The following RFXAP variants were observed in gnomAD, a reference collection of about 807,000 sequenced individuals.
RFXAP encodes the protein regulatory factor X-associated protein.
In RFXAP, 21 loss-of-function variants were observed where a neutral mutation model predicts 25.7. That is an observed-to-expected ratio of 0.82 (90% CI 0.58 to 1.18). The LOEUF (loss-of-function observed/expected upper bound fraction) is 1.18. Among genes scored for constraint, RFXAP ranks in the 50% most tolerant of loss-of-function variants. The probability of loss-of-function intolerance (pLI) is 0.00; values close to 1 mark genes in which losing one functional copy is unlikely to be tolerated. For missense variants in RFXAP, 333 were observed against 363.0 expected (o/e 0.92, Z 0.67); for synonymous variants, 161 against 152.2 (o/e 1.06, Z -0.43).
At chr13:36,826,802 T>A (rs969504745) in intron 2 of RFXAP, among the ~76,000 whole-genome samples, 3 of 152,206 alleles carry the variant, frequency 2.0e-5, no homozygotes, top group African/African-American at 7.2e-5. Flanking sequence ...CTTTATTCAG[T>A]TTATCTTTTT....
Position 36,819,655 on chromosome 13 carries a change from G to T in RFXAP, c.298G>T (p.Gly100Trp), listed in dbSNP as rs774581579. The T allele has an allele frequency of 1.7e-5, 27 of 1,548,928 alleles. No individual in the cohort carries two copies. Among genetic ancestry groups the T allele is most frequent in the African/African-American group, 4.1e-5 (3 of 73,024 alleles). The change falls in exon 1 of 3, where the codon GGG (glycine) becomes TGG (tryptophan). Residue 100 changes from glycine (G) to tryptophan (W), a missense_variant. Transcript: ENST00000255476. ...CCTGTTAGACACTTCGGACCCTCCG[G>T]GGGGAGGCGAGAGCGCGGCTAGTTT... The part of the protein sequence containing the change: ...ADLLDTSDPP[G>W]GGESAASLED...
At chr13:36,820,919 TAA>T (rs2138213954) in intron 1 of RFXAP, among the ~76,000 whole-genome samples, 1 of 152,338 alleles carries the variant, frequency 6.6e-6, no homozygotes, top group East Asian at 1.9e-4. Context: ...AGCAACTGGC[TAA>T]AGTTTGCAAA....
intron 1 of RFXAP, among the ~76,000 whole-genome samples, chr13:36,823,653 A>G (rs1258877556): frequency 6.6e-6 from 1 of 152,224 alleles, no homozygotes; most frequent in Non-Finnish European, 1.5e-5. Flanking sequence ...TGAAGAATTT[A>G]TTAAGGTAAA....
rs76415381 is a variant in RFXAP at position 36,821,317 on chromosome 13, A to G, written c.600+1360A>G. 4.6e-3 allele frequency among the ~76,000 whole-genome samples: 698 copies of G among 151,956 alleles called. 6 individuals are homozygous for G. The highest frequency in any genetic ancestry group is 0.016 in the African/African-American group (669 of 41,416). On this transcript the variant is annotated intron_variant, in intron 1 of 2. Transcript: ENST00000255476. ...TTTAAATTTCTTAGTTTCAGGCTGA[A>G]CTTGAAGTGCTCCATCACTAAAATA...
chr13:36,827,124 C>T (rs1006559846), intron 2 of RFXAP, among the ~76,000 whole-genome samples: 9 of 151,672 alleles, frequency 5.9e-5, no homozygotes, highest in Non-Finnish European at 1.2e-4. Flanking sequence ...TGGTATATAC[C>T]GATATATATG....
intron 1 of RFXAP, among the ~76,000 whole-genome samples, chr13:36,822,086 T>C (rs2057964636): frequency 6.6e-6 from 1 of 151,702 alleles, no homozygotes; most frequent in South Asian, 2.1e-4. Context: ...ATAATACTTT[T>C]TTTCTTTCTT....
chr13:36,822,355 A>G (rs2057965572), intron 1 of RFXAP, among the ~76,000 whole-genome samples: 1 of 152,034 alleles, frequency 6.6e-6, no homozygotes, highest in Admixed American at 6.5e-5. Context: ...TGCTGGGATT[A>G]CGGGTGAGAC....
chr13:36,819,960 A>T lies in RFXAP; in HGVS notation c.600+3A>T, dbSNP rs372895488. The T allele has an allele frequency of 6.9e-5, 112 of 1,613,686 alleles. No homozygotes were observed. The highest frequency in any genetic ancestry group is 9.4e-5 in the Non-Finnish European group (111 of 1,179,870). The stretch of plus-strand genomic sequence containing the variant: ...GCGCGGGAAACGTCAAACTCGAGGT[A>T]TCAGACTTAGCTGAGGCCTGGGGAT... On this transcript the variant is annotated splice_donor_region_variant and intron_variant, in intron 1 of 2. Transcript: ENST00000255476.
rs2057985369 is a variant in RFXAP at position 36,828,433 on chromosome 13, T to C, written c.*680T>C. ...TGTGAATTTAGGATGTGCATCTCTT[T>C]TCAGAGGTGTGTTAGTAAAACCTGA... On this transcript the variant is annotated 3_prime_UTR_variant, in exon 3 of 3. Coordinates refer to ENST00000255476, the MANE Select transcript of RFXAP (RefSeq NM_000538.4). 1 of 152,338 alleles carries C rather than the reference T, an allele frequency of 6.6e-6. No individual in the cohort carries two copies. The highest frequency in any genetic ancestry group is 2.4e-5 in the African/African-American group (1 of 41,468). The allele number at this position is 152,338 out of a possible 1,614,324, so 9.4% of individuals were successfully genotyped here.
intron 1 of RFXAP, among the ~76,000 whole-genome samples, chr13:36,825,108 T>C (rs1267602604): frequency 6.6e-6 from 1 of 152,194 alleles, no homozygotes; most frequent in African/African-American, 2.4e-5. Context: ...CAAGTAACTC[T>C]GCCTCAATCT....
intron 1 of RFXAP, 72 bp downstream of exon 1, chr13:36,820,029 G>A: frequency 6.4e-7 from 1 of 1,569,676 alleles, no homozygotes; most frequent in Non-Finnish European, 8.6e-7. Context: ...AACCGCATCT[G>A]CAGGGCCTGC....
At chr13:36,822,905 T>C (rs1041403376) in intron 1 of RFXAP, among the ~76,000 whole-genome samples, 1 of 152,200 alleles carries the variant, frequency 6.6e-6, no homozygotes, top group African/African-American at 2.4e-5. Flanking sequence ...GCCAACTGTA[T>C]AGTCCGGTTT....
At position 36,828,120 on chromosome 13, in the gene RFXAP, A is replaced by G. The variant is rs181196534; in HGVS notation, c.*367A>G. 70 of 222,202 alleles carry G rather than the reference A, an allele frequency of 3.2e-4. No individual in the cohort carries two copies. Among genetic ancestry groups the G allele is most frequent in the Middle Eastern group, 1.8e-3 (1 of 570 alleles). 13.8% of individuals were successfully genotyped at this position (222,202 alleles called of 1,614,324 possible). On this transcript the variant is annotated 3_prime_UTR_variant, in exon 3 of 3. Transcript: ENST00000255476. ...AGCTCAGTGGTTCTCATCAAGGGTC[A>G]ATTTGATTGTCATAGTGACCTTGAA... is the stretch of plus-strand genomic sequence containing the variant.
chr13:36,825,514 A>G lies in RFXAP; in HGVS notation c.687A>G (p.Gln229=), dbSNP rs761426781. 6.2e-7 allele frequency: 1 copy of G among 1,610,996 alleles called. No individual in the cohort carries two copies. Among genetic ancestry groups the G allele is most frequent in the South Asian group, 1.1e-5 (1 of 91,024 alleles). The change falls in exon 2 of 3, where the codon CAA becomes CAG. Residue 229 remains glutamine, a synonymous_variant. Coordinates refer to ENST00000255476, the MANE Select transcript of RFXAP (RefSeq NM_000538.4). ...DRPARPTLLE[Q]VLNQKRLSLL... is the part of the protein sequence containing the mutation. ...CTGCAAGACCTACTCTTTTAGAACA[A>G]GTGTTAAATCAAAAAAGACTGGTAA...
chr13:36,827,531 A>G (rs1056657197), intron 2 of RFXAP, 112 bp from the exon 3 acceptor site: 10 of 767,626 alleles, frequency 1.3e-5, no homozygotes, highest in Non-Finnish European at 2.0e-5. Flanking sequence ...ATTCAGGCAT[A>G]TTCTTGTGAA....
In RFXAP at chr13:36,819,409, G is replaced by T. The variant is rs1232670161; in HGVS notation, c.52G>T (p.Val18Leu). Residue 18 changes from valine (V) to leucine (L), a missense_variant, in exon 1 of 3, where the codon GTG becomes TTG. Physicochemically the swap from Val to Leu is conservative, Grantham distance 32. Coordinates refer to ENST00000255476, the MANE Select transcript of RFXAP (RefSeq NM_000538.4). ...EGAGPGAASG[V>L]PHPAALAPAA... ...CGCGGGGCCGGGCGCCGCCAGCGGC[G>T]TGCCCCACCCCGCGGCCCTAGCCCC... 1 of 1,315,532 alleles carries T rather than the reference G, an allele frequency of 7.6e-7. No homozygotes were observed. Among genetic ancestry groups the T allele is most frequent in the Non-Finnish European group, 9.6e-7 (1 of 1,038,478 alleles). The allele number at this position is 1,315,532 out of a possible 1,614,324, so 81.5% of individuals were successfully genotyped here.
In RFXAP at chr13:36,819,949, A is replaced by G. The variant is rs2138213100; in HGVS notation, c.592A>G (p.Lys198Glu). Reference sequence around the variant, plus strand: ...CTCGACTGGCAGCGCGGGAAACGTCAAACTCGAGGTATCAGACTTAGCTGA... The same window carrying G: ...CTCGACTGGCAGCGCGGGAAACGTCGAACTCGAGGTATCAGACTTAGCTGA... ...TASTGSAGNV[K>E]LEESADNILS... is the part of the protein sequence containing the mutation. Residue 198 changes from lysine to glutamate, a missense_variant, in exon 1 of 3, where the codon AAA becomes GAA. Coordinates refer to ENST00000255476, the MANE Select transcript of RFXAP (RefSeq NM_000538.4). The G allele has an allele frequency of 6.2e-7, 1 of 1,613,844 alleles. No individual in the cohort carries two copies. The highest frequency in any genetic ancestry group is 2.2e-5 in the East Asian group (1 of 44,874).
At chr13:36,824,450 A>G (rs950619479) in intron 1 of RFXAP, among the ~76,000 whole-genome samples, 2 of 152,184 alleles carry the variant, frequency 1.3e-5, no homozygotes, top group Non-Finnish European at 2.9e-5. Flanking sequence ...ATTCTCATAG[A>G]TAACTCAGAG....
At position 36,819,720 on chromosome 13, in the gene RFXAP, G is replaced by A; in HGVS notation, c.363G>A (p.Glu121=). ...ACGAGGAGACTCACTCGGGGGGCGA[G>A]GGCAGCAGCGGGGGCGCCCGGAGGC... ...LEDEETHSGG[E]GSSGGARRRG... Residue 121 remains glutamate, a synonymous_variant, in exon 1 of 3, where the codon GAG becomes GAA. Transcript: ENST00000255476. 1.9e-6 allele frequency: 3 copies of A among 1,550,786 alleles called. No homozygotes were observed. The highest frequency in any genetic ancestry group is 1.2e-5 in the South Asian group (1 of 84,050).
Sources: gnomAD v4.1 joint callset for allele counts (sites outside exome capture counted in the v4.1 genomes callset) on GRCh38, gnomAD v4.1.1 for gene constraint, MANE v1.5 for transcripts, NCBI Gene and HGNC (gene_info 2026-07-23, HGNC 2026-07-21) for gene names.